BCAR1: variants seen among roughly 807,000 people sequenced by gnomAD.
BCAR1 encodes the protein BCAR1 scaffold protein, Cas family member.
BCAR1 carries 30 observed loss-of-function variants against 67.6 expected under a neutral mutation model. The observed-to-expected ratio is 0.44, with a 90% CI of 0.33 to 0.60. The LOEUF (loss-of-function observed/expected upper bound fraction) is 0.60. Among genes scored for constraint, BCAR1 ranks in the 20% least tolerant of loss-of-function variants. The probability of loss-of-function intolerance (pLI) is 0.02; values close to 1 mark genes in which losing one functional copy is unlikely to be tolerated. For missense variants in BCAR1, 1,313 were observed against 1,222.3 expected (o/e 1.07, Z -1.11); for synonymous variants, 626 against 556.7 (o/e 1.12, Z -1.75).
intron 1 of BCAR1, among the ~76,000 whole-genome samples, chr16:75,245,537 G>T (rs1286078205): frequency 1.3e-5 from 2 of 152,232 alleles, no homozygotes; most frequent in Non-Finnish European, 2.9e-5. Flanking sequence ...GGGAGGGAAA[G>T]CCCGGCCCAG....
intron 1 of BCAR1, chr16:75,267,883 G>C (rs776713462): frequency 6.3e-7 from 1 of 1,580,626 alleles, no homozygotes; most frequent in African/African-American, 1.3e-5. Flanking sequence ...TTAGCAGGGA[G>C]AGAGGGGACC....
chr16:75,251,413 T>C (rs2151462578), intron 1 of BCAR1, 58 bp downstream of exon 1: 1 of 1,475,016 alleles, frequency 6.8e-7, no homozygotes, highest in South Asian at 1.3e-5. Flanking sequence ...CTTAACCCCT[T>C]CCAGCCCGCT....
chr16:75,263,759 G>C (rs1449015662), intron 1 of BCAR1: 1 of 986,084 alleles, frequency 1.0e-6, no homozygotes, highest in Admixed American at 6.1e-5. Context: ...AAACCCAGAC[G>C]TGTCCCTGAG....
chr16:75,251,804 A>G (rs1411077520), upstream of BCAR1: 7 of 369,934 alleles, frequency 1.9e-5, no homozygotes, highest in African/African-American at 2.4e-4. Flanking sequence ...CCCACCTCCA[A>G]CCCCGAGGCT....
upstream of BCAR1, chr16:75,252,257 T>A: frequency 6.5e-7 from 1 of 1,536,718 alleles, no homozygotes; most frequent in Non-Finnish European, 8.7e-7. Flanking sequence ...TGTGCCGACA[T>A]CTGGGGACTC....
intron 1 of BCAR1, chr16:75,266,067 A>G (rs1303710049): frequency 9.8e-7 from 1 of 1,016,534 alleles, no homozygotes; most frequent in Non-Finnish European, 1.2e-6. Flanking sequence ...AAAGGTGAGG[A>G]CCCCGGACCT....
chr16:75,252,431 A>C, upstream of BCAR1: 2 of 1,440,060 alleles, frequency 1.4e-6, no homozygotes, highest in East Asian at 2.5e-5. Flanking sequence ...AGGAAGAATC[A>C]CTCGGGGGAA....
At chr16:75,266,632 G>T in intron 1 of BCAR1, 1 of 1,021,278 alleles carries the variant, frequency 9.8e-7, no homozygotes, top group Non-Finnish European at 1.3e-6. Context: ...GTGCATGTTC[G>T]TCCCCATCGC....
chr16:75,239,315 T>C (rs2077253518), intron 2 of BCAR1, among the ~76,000 whole-genome samples: 1 of 151,974 alleles, frequency 6.6e-6, no homozygotes. Flanking sequence ...ACCCACACGG[T>C]CTCTGACACA....
rs148383069 is a variant in BCAR1, at chr16:75,247,718, C to A, written c.12+3753G>T. The stretch of plus-strand genomic sequence containing the variant: ...TTCTCAGGAGCAGGGCCAGCCCAAA[C>A]CAACTGCAGAGAACACTGCAGGTAT... On this transcript the variant is annotated intron_variant, in intron 1 of 6. Coordinates refer to ENST00000162330, the MANE Select transcript of BCAR1 (RefSeq NM_014567.5). 2.6e-3 allele frequency: 777 copies of A among 298,420 alleles called. 7 individuals are homozygous for A. The highest frequency in any genetic ancestry group is 8.7e-3 in the African/African-American group (405 of 46,662). The allele number at this position is 298,420 out of a possible 1,614,324, so 18.5% of individuals were successfully genotyped here.
chr16:75,262,009 C>A (rs2077915888), intron 1 of BCAR1, among the ~76,000 whole-genome samples: 1 of 152,340 alleles, frequency 6.6e-6, no homozygotes, highest in Middle Eastern at 3.4e-3. Context: ...GTGCTCTTAA[C>A]ATCCCCATGA....
In BCAR1 at chr16:75,236,955, C is replaced by T. The variant is rs768241959; in HGVS notation, c.839G>A (p.Arg280Gln). 1.7e-5 allele frequency: 27 copies of T among 1,611,600 alleles called. No individual in the cohort carries two copies. Among genetic ancestry groups the T allele is most frequent in the East Asian group, 2.2e-5 (1 of 44,850 alleles). The change falls in exon 4 of 7, where the codon CGA becomes CAA. Residue 280 changes from arginine (R) to glutamine (Q), a missense_variant. This residue lies in a region of BCAR1 where 1,272 missense variants were observed against 1,137.5 expected (regional missense o/e 1.12). Coordinates refer to ENST00000162330, the MANE Select transcript of BCAR1 (RefSeq NM_014567.5). ...GTCATACACCTCCAGCAACGGGTCT[C>T]GGCCATTGGGACCCTTGACAGCCAT... is the stretch of plus-strand genomic sequence containing the variant. The part of the protein sequence containing the change: ...PPMAVKGPNG[R>Q]DPLLEVYDVP...
At position 75,242,805 on chromosome 16, in the gene BCAR1, T is replaced by C. The variant is rs1217710364; in HGVS notation, c.298A>G (p.Thr100Ala). 5.6e-6 allele frequency: 9 copies of C among 1,602,958 alleles called. No individual in the cohort carries two copies. The highest frequency in any genetic ancestry group is 1.3e-5 in the African/African-American group (1 of 74,666). The change falls in exon 2 of 7, where the codon ACG (threonine) becomes GCG (alanine). Residue 100 changes from threonine to alanine, a missense_variant. Around this residue, in one of 2 missense-constraint regions of BCAR1, gnomAD observed 1,272 missense variants for 1,137.5 expected, o/e 1.12. Transcript: ENST00000162330. ...HAPAPPASQY[T>A]PMLPNTYQPQ... Reference sequence around the variant, plus strand: ...TGGTAGGTGTTGGGGAGCATGGGCGTGTACTGGGAGGCCGGAGGCGCTGGG... The same window carrying C: ...TGGTAGGTGTTGGGGAGCATGGGCGCGTACTGGGAGGCCGGAGGCGCTGGG...
At chr16:75,264,411 G>C in intron 1 of BCAR1, 1 of 1,531,870 alleles carries the variant, frequency 6.5e-7, no homozygotes, top group African/African-American at 1.4e-5. Flanking sequence ...CACAGGAGCA[G>C]GGCTGGCCAG....
intron 1 of BCAR1, among the ~76,000 whole-genome samples, chr16:75,245,442 C>T (rs1420885424): frequency 1.3e-5 from 2 of 152,118 alleles, no homozygotes; most frequent in Non-Finnish European, 2.9e-5. Context: ...TGGCAGAGGC[C>T]CCATCAGGCA....
intron 4 of BCAR1, 89 bp from the exon 5 acceptor site, chr16:75,236,075 C>G (rs2077121754): frequency 6.9e-7 from 1 of 1,453,276 alleles, no homozygotes; most frequent in Non-Finnish European, 9.2e-7. Flanking sequence ...CACACACACA[C>G]ACGTACACAC....
At chr16:75,259,116 C>T (rs1271664147) in intron 1 of BCAR1, among the ~76,000 whole-genome samples, 1 of 152,200 alleles carries the variant, frequency 6.6e-6, no homozygotes, top group Non-Finnish European at 1.5e-5. Context: ...TCCCAGATAA[C>T]CTGCAAAGAG....
Position 75,234,963 on chromosome 16 carries a change from G to C in BCAR1, c.1936C>G (p.Gln646Glu), listed in dbSNP as rs1455125802. Reference sequence around the variant, plus strand: ...TCGTACTGCCCATCTGGCGAGTCCTGGGAGGTGAACTTAGGGGGTGAGGGC... The same window carrying C: ...TCGTACTGCCCATCTGGCGAGTCCTCGGAGGTGAACTTAGGGGGTGAGGGC... Reference protein sequence around the residue: ...PLPSPPKFTSQDSPDGQYENS... With the variant: ...PLPSPPKFTSEDSPDGQYENS... Residue 646 changes from glutamine to glutamate, a missense_variant, in exon 5 of 7, where the codon CAG becomes GAG. Gln to Glu is a conservative substitution (Grantham distance 29). This residue lies in a region of BCAR1 where 1,272 missense variants were observed against 1,137.5 expected (regional missense o/e 1.12). Transcript: ENST00000162330. 3.1e-6 allele frequency: 5 copies of C among 1,598,650 alleles called. No individual in the cohort carries two copies. Among genetic ancestry groups the C allele is most frequent in the Non-Finnish European group, 4.3e-6 (5 of 1,169,408 alleles).
At chr16:75,252,185 A>G, upstream of BCAR1, 1 of 1,535,028 alleles carries the variant, frequency 6.5e-7, no homozygotes, top group South Asian at 1.2e-5. Flanking sequence ...AGCCTCAAGC[A>G]GGGAGGCTGG....
Sources: gnomAD v4.1 joint callset for allele counts (sites outside exome capture counted in the v4.1 genomes callset) on GRCh38, gnomAD v4.1.1 for gene constraint, gnomAD v4.1.1 regional missense constraint, MANE v1.5 for transcripts, NCBI Gene and HGNC (gene_info 2026-07-23, HGNC 2026-07-21) for gene names.